Variants in CSMD1 observed in about 807,000 individuals in gnomAD.
CSMD1 encodes the protein CUB and sushi domain-containing protein 1.
Under a neutral mutation model 417.5 loss-of-function variants are expected in CSMD1, and 213 were observed. The observed-to-expected ratio is 0.51, with a 90% confidence interval of 0.46 to 0.57. CSMD1 has a LOEUF of 0.57. Among genes scored for constraint, CSMD1 ranks in the 20% least tolerant of loss-of-function variants. The probability of loss-of-function intolerance (pLI) is 0.00; values close to 1 mark genes in which losing one functional copy is unlikely to be tolerated. For missense variants in CSMD1, 6,923 were observed against 4,529.7 expected (o/e 1.53, Z -15.17); for synonymous variants, 2,862 against 1,736.8 (o/e 1.65, Z -16.11).
intron 25 of CSMD1, among the ~76,000 whole-genome samples, chr8:3,294,558 G>C (rs1454107692): frequency 2.8e-5 from 3 of 109,024 alleles, no homozygotes; most frequent in African/African-American, 5.1e-5. Flanking sequence ...CAGCCTTGCA[G>C]TTTGATCTGA....
At chr8:4,297,043 G>C (rs369851932) in intron 3 of CSMD1, among the ~76,000 whole-genome samples, 10 of 151,998 alleles carry the variant, frequency 6.6e-5, no homozygotes, top group African/African-American at 1.7e-4. Flanking sequence ...ACATTTTTAC[G>C]CCAATAAAAA....
intron 3 of CSMD1, among the ~76,000 whole-genome samples, chr8:4,050,006 C>T (rs1798341213): frequency 6.6e-6 from 1 of 152,164 alleles, no homozygotes; most frequent in South Asian, 2.1e-4. Flanking sequence ...TTTTAAGGGC[C>T]TTGATGGTTT....
At chr8:3,374,190 G>A (rs1368137471) in intron 18 of CSMD1, among the ~76,000 whole-genome samples, 4 of 74,976 alleles carry the variant, frequency 5.3e-5, no homozygotes, top group Admixed American at 4.6e-4. Flanking sequence ...CTGACCTCAA[G>A]TCATCTACCT....
intron 8 of CSMD1, among the ~76,000 whole-genome samples, chr8:3,605,814 G>A (rs1002724843): frequency 6.6e-6 from 1 of 152,172 alleles, no homozygotes; most frequent in Non-Finnish European, 1.5e-5. Context: ...TCCCTTTAGA[G>A]CCTAGGTTAT....
intron 3 of CSMD1, among the ~76,000 whole-genome samples, chr8:4,220,673 A>G (rs1800975743): frequency 6.6e-6 from 1 of 152,204 alleles, no homozygotes; most frequent in Non-Finnish European, 1.5e-5. Flanking sequence ...TTAGCAAAAG[A>G]AGGAAAGGGA....
intron 44 of CSMD1, 34 bp downstream of exon 44, chr8:3,108,569 T>C (rs1411054830): frequency 1.9e-6 from 3 of 1,608,838 alleles, no homozygotes; most frequent in Non-Finnish European, 2.6e-6. Flanking sequence ...CATGGAATTC[T>C]CAGTCTTAAC....
At chr8:4,502,997 C>G (rs893554758) in intron 2 of CSMD1, among the ~76,000 whole-genome samples, 1 of 151,714 alleles carries the variant, frequency 6.6e-6, no homozygotes, top group Non-Finnish European at 1.5e-5. Flanking sequence ...TTTTCTGGCA[C>G]AGGAAATAAA....
Position 3,308,472 on chromosome 8 carries a change from G to A in CSMD1, c.3663C>T (p.Gly1221=). 1 of 1,613,310 alleles carries A rather than the reference G, an allele frequency of 6.2e-7. No individual in the cohort carries two copies. The highest frequency in any genetic ancestry group is 8.5e-7 in the Non-Finnish European group (1 of 1,179,482). The change falls in exon 24 of 70, where the codon GGC becomes GGT. Residue 1221 remains glycine, a synonymous_variant. Coordinates refer to ENST00000635120, the MANE Select transcript of CSMD1 (RefSeq NM_033225.6). The part of the protein sequence containing the change: ...SFDLVKCEDP[G]IPNYGYRIRD... ...GGATCCTATAGCCGTAGTTAGGGAT[G>A]CCCGGATCCTCACATTTTACCAGAT...
chr8:4,826,237 A>G (rs1799818332), intron 1 of CSMD1, among the ~76,000 whole-genome samples: 1 of 152,114 alleles, frequency 6.6e-6, no homozygotes, highest in African/African-American at 2.4e-5. Context: ...AGCAACCTAA[A>G]TATCCATTGA....
At chr8:2,977,125 T>C (rs917561210) in intron 55 of CSMD1, among the ~76,000 whole-genome samples, 8 of 152,130 alleles carry the variant, frequency 5.3e-5, no homozygotes, top group Non-Finnish European at 7.3e-5. Context: ...TTTATTTAAG[T>C]TCTGGGATGC....
intron 42 of CSMD1, among the ~76,000 whole-genome samples, chr8:3,111,025 T>G (rs1472679353): frequency 6.6e-6 from 1 of 152,170 alleles, no homozygotes. Flanking sequence ...TAACCTGAAA[T>G]ATAGTCTTTA....
intron 1 of CSMD1, among the ~76,000 whole-genome samples, chr8:4,769,961 A>T (rs1336004048): frequency 2.6e-5 from 4 of 152,160 alleles, no homozygotes; most frequent in African/African-American, 9.7e-5. Flanking sequence ...ATTTACTCTC[A>T]AAAGCAAAAG....
intron 7 of CSMD1, among the ~76,000 whole-genome samples, chr8:3,626,702 A>G (rs1796507717): frequency 1.3e-5 from 2 of 151,368 alleles, no homozygotes; most frequent in African/African-American, 2.4e-5. Flanking sequence ...TATGGATGAT[A>G]TAAGTATGTA....
At chr8:3,886,653 C>G (rs530100429) in intron 5 of CSMD1, among the ~76,000 whole-genome samples, 1 of 152,236 alleles carries the variant, frequency 6.6e-6, no homozygotes, top group Non-Finnish European at 1.5e-5. Flanking sequence ...GATGTATCTT[C>G]TAACAACAGC....
chr8:3,498,433 G>T (rs557641927), intron 10 of CSMD1, among the ~76,000 whole-genome samples: 1 of 152,152 alleles, frequency 6.6e-6, no homozygotes, highest in African/African-American at 2.4e-5. Context: ...AGAGAAGGAA[G>T]AATTGTCTTT....
chr8:4,501,783 A>C (rs1478065981), intron 2 of CSMD1, among the ~76,000 whole-genome samples: 1 of 152,076 alleles, frequency 6.6e-6, no homozygotes. Flanking sequence ...AGTTGTCGTT[A>C]TTTGACTTTA....
intron 1 of CSMD1, among the ~76,000 whole-genome samples, chr8:4,905,742 A>G (rs11777961): frequency 6.7e-6 from 1 of 148,676 alleles, no homozygotes; most frequent in African/African-American, 2.5e-5. Flanking sequence ...ATGGCGTGAA[A>G]CCGGGAGGCG....
At position 4,933,698 on chromosome 8, in the gene CSMD1, G is replaced by T. The variant is rs1372981193; in HGVS notation, c.85+60634C>A. On this transcript the variant is annotated intron_variant, in intron 1 of 69. Transcript: ENST00000635120. ...GGAAGGAAGGAAAGATAAATGGATG[G>T]ATGGAAGAATGGATGAATGCACAGA... Among the ~76,000 whole-genome samples, 4 of 152,264 alleles carry T rather than the reference G, an allele frequency of 2.6e-5. No homozygotes were observed. The South Asian group carries it at 8.3e-4, about 32-fold the overall frequency.
chr8:4,322,355 G>C (rs1272767461), intron 3 of CSMD1, among the ~76,000 whole-genome samples: 1 of 152,108 alleles, frequency 6.6e-6, no homozygotes, highest in Non-Finnish European at 1.5e-5. Context: ...ACTGGAGAGA[G>C]TTTAAAGTGG....
Sources: allele counts gnomAD v4.1 joint callset (sites outside exome capture counted in the v4.1 genomes callset), GRCh38; gene constraint gnomAD v4.1.1; transcripts MANE v1.5; gene names NCBI Gene and HGNC (gene_info 2026-07-23, HGNC 2026-07-21).